Variants in AP1M1 observed in about 807,000 individuals in gnomAD.
AP1M1 encodes AP-1 complex subunit mu-1.
Under a neutral mutation model 57.1 loss-of-function variants are expected in AP1M1, and 18 were observed. The observed-to-expected ratio is 0.32, with a 90% confidence interval of 0.22 to 0.47. AP1M1 has a LOEUF of 0.47. AP1M1 is among the 20% of genes least tolerant of loss of function. The pLI is 1.00. For missense variants in AP1M1, 362 were observed against 593.5 expected (o/e 0.61, Z 4.05); for synonymous variants, 241 against 237.9 (o/e 1.01, Z -0.12).
Position 16,207,846 on chromosome 19 carries a change from C to G in AP1M1, c.268-173C>G, listed in dbSNP as rs535404375. Among the ~76,000 whole-genome samples the G allele has an allele frequency of 8.5e-5, 13 of 152,322 alleles. No individual in the cohort carries two copies. In the South Asian group the frequency reaches 1.9e-3, roughly 22 times the overall value. ...GGCCCCACCCCACAGCCAGCCACTG[C>G]TGTCCTGCCCCATAACCTGGGTCCA... is the stretch of plus-strand genomic sequence containing the variant. On this transcript the variant is annotated intron_variant, in intron 3 of 11. Coordinates refer to ENST00000291439, the MANE Select transcript of AP1M1 (RefSeq NM_032493.4). The surrounding 1 kb of genome is among the most constrained non-coding windows in gnomAD (Gnocchi z 4.2).
Position 16,234,437 on chromosome 19 carries a change from G to T in AP1M1, c.*2G>T. On this transcript the variant is annotated 3_prime_UTR_variant, in exon 12 of 12. Coordinates refer to ENST00000291439, the MANE Select transcript of AP1M1 (RefSeq NM_032493.4). ...GATTACCAGCTCCGGACCCAGTGAG[G>T]GGCTGTCGCAGCCAACACCCCGGCC... 1 of 1,613,700 alleles carries T rather than the reference G, an allele frequency of 6.2e-7. No individual in the cohort carries two copies. Among genetic ancestry groups the T allele is most frequent in the Middle Eastern group, 1.7e-4 (1 of 6,054 alleles).
rs71178661 is a variant in AP1M1 at position 16,239,239 on chromosome 19, C to CTTTTTTTTTTTTTTTTT, written c.*4828_*4844dup. The CTTTTTTTTTTTTTTTTT allele has an allele frequency of 5.1e-5, 2 of 39,282 alleles. No homozygotes were observed. The highest frequency in any genetic ancestry group is 1.8e-4 in the African/African-American group (2 of 11,280). 2.4% of individuals were successfully genotyped at this position (39,282 alleles called of 1,614,324 possible). A position where few individuals can be genotyped will look rare whatever the true frequency, so the allele number is the denominator to read the frequency against. On this transcript the variant is annotated 3_prime_UTR_variant, in exon 12 of 12. Coordinates refer to ENST00000291439, the MANE Select transcript of AP1M1 (RefSeq NM_032493.4). ...TGAGCCACCGCGCCCGGCCAGTTCT[C>CTTTTTTTTTTTTTTTTT]TTTTTTTTTTTTTTTTTTTTTTTTT...
chr19:16,203,402 C>G lies in AP1M1; in HGVS notation c.43-57C>G, dbSNP rs1031755285. 39 of 1,597,606 alleles carry G rather than the reference C, an allele frequency of 2.4e-5. No homozygotes were observed. Among genetic ancestry groups the G allele is most frequent in the Non-Finnish European group, 3.3e-5 (38 of 1,166,328 alleles). On this transcript the variant is annotated intron_variant, in intron 1 of 11. Coordinates refer to ENST00000291439, the MANE Select transcript of AP1M1 (RefSeq NM_032493.4). This position sits in a 1 kb window ranked among gnomAD's most constrained non-coding sequence, Gnocchi z 4.6. ...GGTGCATCTCACCCCCTGCCCCAAG[C>G]CCCCAGATTGTAGAACTGAAAATGC...
At chr19:16,219,760 G>T (rs1295238297) in intron 5 of AP1M1, among the ~76,000 whole-genome samples, 1 of 152,174 alleles carries the variant, frequency 6.6e-6, no homozygotes. Context: ...CTTTTCCCTT[G>T]GAGATGCTGA....
At chr19:16,218,488 G>T (rs1042246013) in intron 5 of AP1M1, among the ~76,000 whole-genome samples, 1 of 152,160 alleles carries the variant, frequency 6.6e-6, no homozygotes, top group African/African-American at 2.4e-5. Context: ...AGCCAGGAAT[G>T]ATTCCTGGTG....
intron 5 of AP1M1, among the ~76,000 whole-genome samples, chr19:16,221,525 A>G (rs1020298052): frequency 1.3e-5 from 2 of 152,238 alleles, no homozygotes; most frequent in African/African-American, 4.8e-5. Flanking sequence ...CTAAATAGAT[A>G]AAGGCAAGGG....
At chr19:16,202,104 A>G (rs941531043) in intron 1 of AP1M1, among the ~76,000 whole-genome samples, 7 of 152,164 alleles carry the variant, frequency 4.6e-5, no homozygotes, top group African/African-American at 1.4e-4. Flanking sequence ...CCTCCCTCCA[A>G]TCAGTTCCAC....
rs575965278 is a variant in AP1M1 at position 16,245,498 on chromosome 19, C to G, written c.*11063C>G. The G allele has an allele frequency of 6.6e-5, 10 of 152,292 alleles. No homozygotes were observed. Among genetic ancestry groups the G allele is most frequent in the African/African-American group, 1.7e-4 (7 of 41,534 alleles). 9.4% of individuals were successfully genotyped at this position (152,292 alleles called of 1,614,324 possible). ...GTTTCACCATATTGGCCAAGCTGGTCTAGAACTCCTGGCCTCAAGTGATCC... is the reference window on the plus strand; with the variant it reads ...GTTTCACCATATTGGCCAAGCTGGTGTAGAACTCCTGGCCTCAAGTGATCC... On this transcript the variant is annotated 3_prime_UTR_variant, in exon 12 of 12. Coordinates refer to ENST00000291439, the MANE Select transcript of AP1M1 (RefSeq NM_032493.4).
chr19:16,233,695 G>A, intron 10 of AP1M1, 77 bp downstream of exon 10: 1 of 1,504,556 alleles, frequency 6.6e-7, no homozygotes, highest in African/African-American at 1.4e-5. Context: ...CAGCCAGCTT[G>A]GGAAAGGGTG....
chr19:16,201,688 G>A (rs569457276), intron 1 of AP1M1, among the ~76,000 whole-genome samples: 63 of 152,262 alleles, frequency 4.1e-4, no homozygotes, highest in African/African-American at 1.2e-3. Context: ...GTGAGCCACC[G>A]CGCCCAGCTG....
At chr19:16,201,975 G>C (rs1302188252) in intron 1 of AP1M1, among the ~76,000 whole-genome samples, 1 of 152,166 alleles carries the variant, frequency 6.6e-6, no homozygotes, top group Non-Finnish European at 1.5e-5. Flanking sequence ...CAGCAGTGGG[G>C]GAGAGACCCC....
intron 5 of AP1M1, among the ~76,000 whole-genome samples, chr19:16,216,606 C>A (rs1278441658): frequency 6.6e-6 from 1 of 152,122 alleles, no homozygotes; most frequent in Non-Finnish European, 1.5e-5. Flanking sequence ...GAATGGGTTT[C>A]TTTTTCCTTT....
Position 16,227,228 on chromosome 19 carries a change from A to G in AP1M1, c.674-320A>G, listed in dbSNP as rs750183747. On this transcript the variant is annotated intron_variant, in intron 6 of 11. Transcript: ENST00000291439. This position sits in a 1 kb window ranked among gnomAD's most constrained non-coding sequence, Gnocchi z 6.2. Reference sequence around the variant, plus strand: ...GGGCCTGAGCCCTTGGGGAGCCCCGAGCCATCCCCCAGCCAAGTCCACTGA... The same window carrying G: ...GGGCCTGAGCCCTTGGGGAGCCCCGGGCCATCCCCCAGCCAAGTCCACTGA... Among the ~76,000 whole-genome samples, 1 of 152,124 alleles carries G rather than the reference A, an allele frequency of 6.6e-6. No individual in the cohort carries two copies. The highest frequency in any genetic ancestry group is 1.5e-5 in the Non-Finnish European group (1 of 68,008).
At chr19:16,217,510 C>G (rs572279535) in intron 5 of AP1M1, among the ~76,000 whole-genome samples, 4 of 152,274 alleles carry the variant, frequency 2.6e-5, no homozygotes, top group African/African-American at 9.6e-5. Flanking sequence ...GCTAGTGTGT[C>G]CATGGGGCCG....
At chr19:16,208,192 G>T in intron 4 of AP1M1, 43 bp downstream of exon 4, 1 of 1,566,854 alleles carries the variant, frequency 6.4e-7, no homozygotes, top group South Asian at 1.2e-5. Context: ...CCTGGGCGGT[G>T]TCATGACATC....
At chr19:16,209,286 C>T in intron 5 of AP1M1, 109 bp downstream of exon 5, 3 of 1,265,354 alleles carry the variant, frequency 2.4e-6, no homozygotes, top group Non-Finnish European at 1.1e-6. Context: ...TGTGTGGTAA[C>T]AGATAGCAGG....
chr19:16,243,808 G>A lies in AP1M1; in HGVS notation c.*9373G>A, dbSNP rs1396934723. On this transcript the variant is annotated 3_prime_UTR_variant, in exon 12 of 12. Coordinates refer to ENST00000291439, the MANE Select transcript of AP1M1 (RefSeq NM_032493.4). ...AATACAAAAATTAACCAGGTGTAGT[G>A]GCACACGCCTGTAAATCCCAGCTAC... 6.6e-6 allele frequency: 1 copy of A among 152,022 alleles called. No homozygotes were observed. Among genetic ancestry groups the A allele is most frequent in the East Asian group, 1.9e-4 (1 of 5,164 alleles). 9.4% of individuals were successfully genotyped at this position (152,022 alleles called of 1,614,324 possible). A position where few individuals can be genotyped will look rare whatever the true frequency, so the allele number is the denominator to read the frequency against.
Position 16,226,513 on chromosome 19 carries a change from C to T in AP1M1, c.639C>T (p.Gly213=). ...CGGGCATGCCCGAGCTGCGCCTGGG[C>T]CTCAACGACAAGGTCCTCTTTGACA... ...FLSGMPELRL[G]LNDKVLFDNT... is the part of the protein sequence containing the mutation. The change falls in exon 6 of 12, where the codon GGC becomes GGT. Residue 213 remains glycine (G), a synonymous_variant. Transcript: ENST00000291439. 6.3e-7 allele frequency: 1 copy of T among 1,591,694 alleles called. No homozygotes were observed.
At position 16,226,457 on chromosome 19, in the gene AP1M1, G is replaced by A. The variant is rs763211790; in HGVS notation, c.583G>A (p.Val195Met). The A allele has an allele frequency of 6.4e-6, 10 of 1,571,654 alleles. No homozygotes were observed. The highest frequency in any genetic ancestry group is 2.7e-5 in the African/African-American group (2 of 74,500). ...CGGCAATGTCCTGCGCAGCGAGATC[G>A]TGGGCTCCATCAAGATGCGAGTCTT... ...ANGNVLRSEI[V>M]GSIKMRVFLS... Residue 195 changes from valine to methionine, a missense_variant, in exon 6 of 12, where the codon GTG (valine) becomes ATG (methionine). Coordinates refer to ENST00000291439, the MANE Select transcript of AP1M1 (RefSeq NM_032493.4).
Sources: gnomAD v4.1 joint callset for allele counts (sites outside exome capture counted in the v4.1 genomes callset) on GRCh38, gnomAD v4.1.1 for gene constraint, Gnocchi (gnomAD v3.1) non-coding constraint, MANE v1.5 for transcripts, NCBI Gene and HGNC (gene_info 2026-07-23, HGNC 2026-07-21) for gene names.